Variants in PSD3 observed in about 807,000 individuals in gnomAD.
PSD3 encodes pleckstrin and Sec7 domain containing 3.
In PSD3, 49 loss-of-function variants were observed where a neutral mutation model predicts 105.5. The ratio of observed to expected loss-of-function variants is 0.46; its 90% CI spans 0.37 to 0.59. The LOEUF is 0.59. Ranked by LOEUF, PSD3 falls within the 20% of genes least tolerant of loss-of-function variation. PSD3 has a pLI of 0.00. For missense variants in PSD3, 1,561 were observed against 1,263.8 expected, an observed-to-expected ratio of 1.24 and a Z score of -3.57; for synonymous variants, 557 against 457.8, an observed-to-expected ratio of 1.22 and a Z score of -2.77.
At chr8:18,754,392 T>C (rs1031970157) in intron 9 of PSD3, among the ~76,000 whole-genome samples, 9 of 152,138 alleles carry the variant, frequency 5.9e-5, no homozygotes, top group Non-Finnish European at 8.8e-5. Flanking sequence ...TCAAAATTAA[T>C]AAATGAATAA....
chr8:18,890,146 C>A (rs1451002886), intron 2 of PSD3, among the ~76,000 whole-genome samples: 3 of 151,872 alleles, frequency 2.0e-5, no homozygotes, highest in Admixed American at 6.6e-5. Flanking sequence ...ACGGGATCCA[C>A]GTAGGAGACA....
intron 10 of PSD3, among the ~76,000 whole-genome samples, chr8:18,646,621 AGG>A (rs1808055458): frequency 2.6e-5 from 4 of 152,170 alleles, no homozygotes; most frequent in Admixed American, 2.6e-4. Context: ...CTTAAATGAA[AGG>A]CGACAAATTA....
chr8:18,994,947 G>A (rs1455752450), intron 1 of PSD3, among the ~76,000 whole-genome samples: 1 of 151,172 alleles, frequency 6.6e-6, no homozygotes, highest in African/African-American at 2.4e-5. Flanking sequence ...TCCTTTTATA[G>A]GTACTTTTTA....
At chr8:19,072,458 G>A (rs906256271) in intron 1 of PSD3, among the ~76,000 whole-genome samples, 1 of 152,184 alleles carries the variant, frequency 6.6e-6, no homozygotes, top group Non-Finnish European at 1.5e-5. Context: ...AACTGCAGTG[G>A]ATGATGAATT....
intron 1 of PSD3, among the ~76,000 whole-genome samples, chr8:19,074,611 ATTTTTTTTTTTTT>A (rs1206111403): frequency 8.3e-5 from 2 of 24,228 alleles, no homozygotes; most frequent in Admixed American, 6.8e-4. Flanking sequence ...ATATATATAT[ATTTTTTTTTTTTT>A]TTTTTTTTTT....
chr8:18,799,257 A>G (rs758928485), intron 8 of PSD3, 38 bp downstream of exon 8: 2 of 1,530,136 alleles, frequency 1.3e-6, no homozygotes, highest in Non-Finnish European at 1.8e-6. Flanking sequence ...GATAAGCCCG[A>G]CATGTTTTGG....
chr8:19,019,500 A>T (rs1294004370), intron 1 of PSD3, among the ~76,000 whole-genome samples: 1 of 152,326 alleles, frequency 6.6e-6, no homozygotes, highest in East Asian at 1.9e-4. Context: ...TTAAGTGCAC[A>T]GATAGGATGC....
At chr8:18,915,022 T>A (rs1820491429) in intron 2 of PSD3, among the ~76,000 whole-genome samples, 1 of 151,204 alleles carries the variant, frequency 6.6e-6, no homozygotes, top group South Asian at 2.1e-4. Context: ...TGGAACAGAA[T>A]AGGAAGCCCA....
At chr8:18,799,398 T>C in intron 7 of PSD3, 45 bp from the exon 8 acceptor site, 1 of 1,429,304 alleles carries the variant, frequency 7.0e-7, no homozygotes, top group Non-Finnish European at 9.9e-7. Flanking sequence ...CGCTTTTCAC[T>C]GTTGGACTCC....
At chr8:18,752,482 TTA>T (rs1411188789) in intron 9 of PSD3, among the ~76,000 whole-genome samples, 2 of 38,628 alleles carry the variant, frequency 5.2e-5, no homozygotes, top group African/African-American at 7.9e-5. Flanking sequence ...ATATATATTA[TTA>T]TATATATAAT....
intron 1 of PSD3, among the ~76,000 whole-genome samples, chr8:19,029,095 A>T (rs1042758707): frequency 3.3e-5 from 5 of 152,124 alleles, no homozygotes; most frequent in African/African-American, 9.7e-5. Context: ...AAGTAGTGTA[A>T]GTATTCTAAA....
intron 2 of PSD3, among the ~76,000 whole-genome samples, chr8:18,896,305 C>G (rs1819144428): frequency 6.6e-6 from 1 of 152,174 alleles, no homozygotes; most frequent in African/African-American, 2.4e-5. Flanking sequence ...CTTCAACATA[C>G]TGATTTCCTT....
intron 8 of PSD3, among the ~76,000 whole-genome samples, chr8:18,783,332 G>C (rs972486623): frequency 6.6e-6 from 1 of 152,068 alleles, no homozygotes; most frequent in African/African-American, 2.4e-5. Context: ...ACTGATTTTA[G>C]TAATTTGAGA....
chr8:18,611,776 A>C (rs1201618241), intron 11 of PSD3, among the ~76,000 whole-genome samples: 1 of 151,654 alleles, frequency 6.6e-6, no homozygotes, highest in Non-Finnish European at 1.5e-5. Context: ...TGGATGGATC[A>C]CATTAACAGG....
At chr8:18,992,274 C>T (rs1262668994) in intron 1 of PSD3, among the ~76,000 whole-genome samples, 1 of 151,110 alleles carries the variant, frequency 6.6e-6, no homozygotes, top group Non-Finnish European at 1.5e-5. Context: ...CTTGCTGAAA[C>T]TCCCAGGGAA....
intron 2 of PSD3, among the ~76,000 whole-genome samples, chr8:18,893,674 A>G (rs1164481574): frequency 1.3e-5 from 2 of 151,038 alleles, no homozygotes; most frequent in East Asian, 3.9e-4. Flanking sequence ...GAGCACATCC[A>G]TGTGCTAGAG....
intron 11 of PSD3, among the ~76,000 whole-genome samples, chr8:18,625,165 G>C (rs962691690): frequency 1.3e-4 from 19 of 148,084 alleles, no homozygotes; most frequent in African/African-American, 4.3e-4. Context: ...ACTGGTTTTT[G>C]TGTTAGAACT....
At chr8:18,623,352 C>T (rs1445478507) in intron 11 of PSD3, among the ~76,000 whole-genome samples, 2 of 146,320 alleles carry the variant, frequency 1.4e-5, no homozygotes, top group Non-Finnish European at 1.5e-5. Flanking sequence ...TGGCTTATGC[C>T]TGTAATCCCA....
At chr8:18,799,637 G>A (rs1010038283) in intron 7 of PSD3, among the ~76,000 whole-genome samples, 6 of 152,088 alleles carry the variant, frequency 3.9e-5, no homozygotes, top group South Asian at 2.1e-4. Flanking sequence ...ACAACAAATC[G>A]GCTTCTAGGG....
Sources: gnomAD v4.1 joint callset for allele counts (sites outside exome capture counted in the v4.1 genomes callset) on GRCh38, gnomAD v4.1.1 for gene constraint, MANE v1.5 for transcripts, NCBI Gene and HGNC (gene_info 2026-07-23, HGNC 2026-07-21) for gene names.